Variants in CASP8 observed in about 807,000 individuals in gnomAD.
CASP8 encodes the protein caspase-8.
In CASP8, 24 loss-of-function variants were observed where a neutral mutation model predicts 46.3. That is an observed-to-expected ratio of 0.52 (90% CI 0.38 to 0.73). The LOEUF (loss-of-function observed/expected upper bound fraction) is 0.73. Ranked by LOEUF, CASP8 falls within the 30% of genes least tolerant of loss-of-function variation. The pLI, the probability that CASP8 is intolerant of heterozygous loss-of-function variation, is 0.00. For missense variants in CASP8, 460 were observed against 559.0 expected (o/e 0.82, Z 1.79); for synonymous variants, 188 against 200.4 (o/e 0.94, Z 0.52).
intron 2 of CASP8, among the ~76,000 whole-genome samples, chr2:201,254,241 A>G (rs2125018584): frequency 6.6e-6 from 1 of 152,334 alleles, no homozygotes; most frequent in Non-Finnish European, 1.5e-5. Flanking sequence ...GGCAATCAAC[A>G]AGCTGCAGAG....
At chr2:201,248,432 A>G (rs1946632680) in intron 2 of CASP8, among the ~76,000 whole-genome samples, 1 of 152,198 alleles carries the variant, frequency 6.6e-6, no homozygotes, top group African/African-American at 2.4e-5. Context: ...TAGCAACATC[A>G]TCAATTTAGG....
intron 2 of CASP8, among the ~76,000 whole-genome samples, chr2:201,254,454 C>G (rs542255680): frequency 6.6e-6 from 1 of 152,152 alleles, no homozygotes; most frequent in Non-Finnish European, 1.5e-5. Context: ...GAGGAGGAGT[C>G]TAGGGCAGTA....
rs1032540990 is a variant in CASP8 at position 201,235,794 on chromosome 2, G to A, written c.-27+1682G>A. ...GTCAATGACCGACCACATATATGAT[G>A]GTGGTCTCATAAGATTATAATACGG... On this transcript the variant is annotated intron_variant, in intron 2 of 6. Transcript: ENST00000264274. Among the ~76,000 whole-genome samples the A allele has an allele frequency of 3.3e-5, 5 of 152,104 alleles. 1 individual carries two copies. Among genetic ancestry groups the A allele is most frequent in the African/African-American group, 7.2e-5 (3 of 41,386 alleles).
intron 2 of CASP8, among the ~76,000 whole-genome samples, chr2:201,270,484 AC>A (rs1357646685): frequency 6.6e-6 from 1 of 152,098 alleles, no homozygotes; most frequent in Non-Finnish European, 1.5e-5. Context: ...GCACCTCACA[AC>A]CCTCTGGGTT....
chr2:201,277,229 T>G (rs1559363780), intron 7 of CASP8: 1 of 309,978 alleles, frequency 3.2e-6, no homozygotes, highest in South Asian at 3.8e-5. Flanking sequence ...TGAAAAGCAG[T>G]AATAAGCTTT....
Position 201,266,036 on chromosome 2 carries a change from G to A in CASP8, c.-26-425G>A. Reference sequence around the variant, plus strand: ...GCCCTGTCACCCAGGCTGGAGTGCAGTGGTGCAATCTCCGCTCACTGCAAC... The same window carrying A: ...GCCCTGTCACCCAGGCTGGAGTGCAATGGTGCAATCTCCGCTCACTGCAAC... On this transcript the variant is annotated intron_variant, in intron 1 of 8. Coordinates refer to ENST00000673742, the MANE Select transcript of CASP8 (RefSeq NM_001372051.1). This position sits in a 1 kb window ranked among gnomAD's most constrained non-coding sequence, Gnocchi z 5.7. 6.7e-6 allele frequency among the ~76,000 whole-genome samples: 1 copy of A among 150,288 alleles called. No individual in the cohort carries two copies. Among genetic ancestry groups the A allele is most frequent in the Non-Finnish European group, 1.5e-5 (1 of 67,812 alleles).
chr2:201,286,389 A>G, intron 8 of CASP8, 70 bp from the exon 9 acceptor site: 1 of 1,558,752 alleles, frequency 6.4e-7, no homozygotes, highest in Non-Finnish European at 8.8e-7. Context: ...ATCTCTGAGC[A>G]CAGCAGAGGA....
At chr2:201,247,143 C>CACACCACTT (rs1436183637) in intron 2 of CASP8, among the ~76,000 whole-genome samples, 1 of 136,906 alleles carries the variant, frequency 7.3e-6, no homozygotes, top group African/African-American at 2.8e-5. Context: ...GAACCAAGAT[C>CACACCACTT]ACACCACTGC....
intron 2 of CASP8, among the ~76,000 whole-genome samples, chr2:201,253,042 T>G (rs529645730): frequency 1.3e-5 from 2 of 152,194 alleles, no homozygotes; most frequent in East Asian, 3.9e-4. Context: ...TGGAGTGCAG[T>G]GATGCAATCA....
chr2:201,255,984 T>C (rs1947001112), upstream of CASP8, among the ~76,000 whole-genome samples: 1 of 152,180 alleles, frequency 6.6e-6, no homozygotes, highest in East Asian at 1.9e-4. Context: ...CCTCGATCTC[T>C]TGGGCTCAAG....
chr2:201,242,588 GA>G (rs1946347922), intron 2 of CASP8: 1 of 152,052 alleles, frequency 6.6e-6, no homozygotes, highest in African/African-American at 2.4e-5. Flanking sequence ...AATTTTAGGG[GA>G]AACAAACATC....
At chr2:201,277,889 TG>T (rs1948748964) in intron 7 of CASP8, 1 of 253,458 alleles carries the variant, frequency 3.9e-6, no homozygotes, top group Non-Finnish European at 7.8e-6. Flanking sequence ...TTAGTAGAGA[TG>T]GGGTTTTGCC....
intron 5 of CASP8, among the ~76,000 whole-genome samples, chr2:201,273,840 A>T (rs1948456033): frequency 6.6e-6 from 1 of 151,934 alleles, no homozygotes; most frequent in African/African-American, 2.4e-5. Context: ...ATGCCCGGCT[A>T]ATTTTTGTAT....
chr2:201,258,179 T>A, upstream of CASP8: 1 of 1,591,348 alleles, frequency 6.3e-7, no homozygotes. Flanking sequence ...ATCTTTTGTG[T>A]TTTTTTTCAA....
chr2:201,260,431 C>A (rs1418303370), upstream of CASP8: 3 of 525,842 alleles, frequency 5.7e-6, no homozygotes, highest in Non-Finnish European at 7.3e-6. Flanking sequence ...GCACTCTGCT[C>A]ACTCAGGGGC....
At chr2:201,248,721 C>T (rs1946642781) in intron 2 of CASP8, among the ~76,000 whole-genome samples, 1 of 152,132 alleles carries the variant, frequency 6.6e-6, no homozygotes, top group Non-Finnish European at 1.5e-5. Flanking sequence ...TATTCTCTAG[C>T]CTGCCTCTTC....
intron 2 of CASP8, among the ~76,000 whole-genome samples, chr2:201,247,778 G>A (rs1344400031): frequency 6.6e-6 from 1 of 152,000 alleles, no homozygotes; most frequent in East Asian, 1.9e-4. Flanking sequence ...CCGAGTAGCT[G>A]GGACTACAGG....
Position 201,284,994 on chromosome 2 carries a change from T to C in CASP8, c.981T>C (p.Asp327=), listed in dbSNP as rs372973743. Residue 327 remains aspartate (D), a synonymous_variant, in exon 8 of 9, where the codon GAT becomes GAC. Coordinates refer to ENST00000673742, the MANE Select transcript of CASP8 (RefSeq NM_001372051.1). ...ACAAGGGCATCATCTATGGCACTGA[T>C]GGACAGGAGGCCCCCATCTATGAGC... is the stretch of plus-strand genomic sequence containing the variant. ...HGDKGIIYGT[D]GQEAPIYELT... is the part of the protein sequence containing the mutation. 10 of 1,614,056 alleles carry C rather than the reference T, an allele frequency of 6.2e-6. No homozygotes were observed. The African/African-American group carries it at 1.3e-4, about 22-fold the overall frequency.
chr2:201,279,813 C>A (rs1167317485), intron 7 of CASP8, among the ~76,000 whole-genome samples: 2 of 152,196 alleles, frequency 1.3e-5, no homozygotes, highest in East Asian at 3.9e-4. Flanking sequence ...ATTAGCCAGG[C>A]ATGGTGGCAG....
Sources: gnomAD v4.1 joint callset for allele counts (sites outside exome capture counted in the v4.1 genomes callset) on GRCh38, gnomAD v4.1.1 for gene constraint, Gnocchi (gnomAD v3.1) non-coding constraint, MANE v1.5 for transcripts, NCBI Gene and HGNC (gene_info 2026-07-23, HGNC 2026-07-21) for gene names.